VAT1L: variants seen among roughly 807,000 people sequenced by gnomAD.
The protein encoded by VAT1L is vesicle amine transport 1 like.
VAT1L carries 34 observed loss-of-function variants against 44.1 expected under a neutral mutation model. The ratio of observed to expected loss-of-function variants is 0.77; its 90% CI spans 0.59 to 1.03. VAT1L has a LOEUF of 1.03. Ranked by LOEUF, VAT1L falls within the 50% of genes least tolerant of loss-of-function variation. VAT1L has a pLI of 0.00. For synonymous variants in VAT1L, 253 were observed against 202.2 expected (o/e 1.25, Z -2.13); for missense variants, 615 against 538.8 (o/e 1.14, Z -1.40).
At chr16:77,897,971 C>T (rs986720371) in intron 7 of VAT1L, among the ~76,000 whole-genome samples, 2 of 152,190 alleles carry the variant, frequency 1.3e-5, no homozygotes, top group Non-Finnish European at 2.9e-5. Flanking sequence ...TGTGTTGTCT[C>T]AGCGTTCTGG....
At chr16:77,806,425 G>A (rs1009360577) in intron 1 of VAT1L, among the ~76,000 whole-genome samples, 2 of 151,192 alleles carry the variant, frequency 1.3e-5, no homozygotes, top group African/African-American at 4.9e-5. Flanking sequence ...TAGCCAGCAT[G>A]GTCTCGATTT....
chr16:77,876,549 GTGAATTGTGC>G, intron 5 of VAT1L, 76 bp downstream of exon 5: 2 of 1,342,722 alleles, frequency 1.5e-6, no homozygotes, highest in Non-Finnish European at 2.1e-6. Flanking sequence ...GCTCTGAAAA[GTGAATTGTGC>G]TGATATGTTG....
chr16:77,863,327 G>A (rs1300691402), intron 4 of VAT1L, among the ~76,000 whole-genome samples: 1 of 152,212 alleles, frequency 6.6e-6, no homozygotes, highest in Non-Finnish European at 1.5e-5. Flanking sequence ...CAGCACCAAA[G>A]GGTCATGAAT....
intron 7 of VAT1L, among the ~76,000 whole-genome samples, chr16:77,918,477 T>TTAGACTCCCG (rs2017573867): frequency 6.6e-6 from 1 of 152,126 alleles, no homozygotes; most frequent in South Asian, 2.1e-4. Flanking sequence ...CATCCTGCCG[T>TTAGACTCCCG]TAGACTCCTT....
chr16:77,973,601 G>GA (rs2142546936), intron 8 of VAT1L, among the ~76,000 whole-genome samples: 1 of 149,766 alleles, frequency 6.7e-6, no homozygotes, highest in African/African-American at 2.5e-5. Flanking sequence ...ATCTTTAACA[G>GA]AAAAAATATT....
chr16:77,972,064 C>A, intron 8 of VAT1L, 131 bp downstream of exon 8: 2 of 740,920 alleles, frequency 2.7e-6, no homozygotes, highest in Non-Finnish European at 2.2e-6. Context: ...CAGGGGTAAT[C>A]AAATGATGTC....
At chr16:77,975,958 GAACT>G (rs1432296030) in intron 8 of VAT1L, among the ~76,000 whole-genome samples, 1 of 152,206 alleles carries the variant, frequency 6.6e-6, no homozygotes, top group Non-Finnish European at 1.5e-5. Flanking sequence ...CTGTAGAACA[GAACT>G]AACAACAATA....
At chr16:77,903,858 T>C (rs1056666895) in intron 7 of VAT1L, among the ~76,000 whole-genome samples, 32 of 150,660 alleles carry the variant, frequency 2.1e-4, no homozygotes, top group African/African-American at 7.6e-4. Flanking sequence ...TGCCTCAGCC[T>C]CCCGAGTAGC....
At chr16:77,967,199 C>G (rs1458813062) in intron 7 of VAT1L, among the ~76,000 whole-genome samples, 1 of 152,128 alleles carries the variant, frequency 6.6e-6, no homozygotes, top group Non-Finnish European at 1.5e-5. Flanking sequence ...CCTCTCAGAT[C>G]CCCCATGGTT....
At chr16:77,943,147 C>G (rs947043258) in intron 7 of VAT1L, among the ~76,000 whole-genome samples, 17 of 151,534 alleles carry the variant, frequency 1.1e-4, no homozygotes, top group African/African-American at 4.1e-4. Context: ...ACCTCCACCT[C>G]CCGGGTTCAA....
intron 4 of VAT1L, among the ~76,000 whole-genome samples, chr16:77,866,516 C>G (rs902377876): frequency 7.9e-5 from 12 of 151,610 alleles, no homozygotes; most frequent in Non-Finnish European, 1.2e-4. Flanking sequence ...GGGAAAATAT[C>G]CAACTGCCAA....
At chr16:77,929,107 C>T (rs1377861476) in intron 7 of VAT1L, among the ~76,000 whole-genome samples, 1 of 152,172 alleles carries the variant, frequency 6.6e-6, no homozygotes. Flanking sequence ...AGCCACCGTG[C>T]CTAGCCGCTC....
intron 7 of VAT1L, among the ~76,000 whole-genome samples, chr16:77,888,101 C>T (rs1040204275): frequency 6.6e-6 from 1 of 152,204 alleles, no homozygotes; most frequent in Non-Finnish European, 1.5e-5. Flanking sequence ...TCCTTCAGGT[C>T]TCAGCCTCAG....
intron 7 of VAT1L, among the ~76,000 whole-genome samples, chr16:77,966,006 T>A (rs774143533): frequency 6.6e-6 from 1 of 152,144 alleles, no homozygotes; most frequent in Admixed American, 6.5e-5. Flanking sequence ...TTACTCTCAG[T>A]GTAAAATACA....
At chr16:77,962,423 G>C (rs1469296354) in intron 7 of VAT1L, among the ~76,000 whole-genome samples, 1 of 152,076 alleles carries the variant, frequency 6.6e-6, no homozygotes, top group African/African-American at 2.4e-5. Flanking sequence ...GACATAGGTA[G>C]GGATGCAAGC....
intron 7 of VAT1L, among the ~76,000 whole-genome samples, chr16:77,941,158 G>A (rs919884097): frequency 1.3e-5 from 2 of 151,856 alleles, no homozygotes; most frequent in Admixed American, 6.6e-5. Context: ...TATGTTTCTT[G>A]TACTAAGGTG....
intron 7 of VAT1L, among the ~76,000 whole-genome samples, chr16:77,936,531 A>T (rs997306672): frequency 6.6e-6 from 1 of 152,166 alleles, no homozygotes; most frequent in East Asian, 1.9e-4. Context: ...ATGGCCACGA[A>T]AATGTAGGCT....
intron 1 of VAT1L, among the ~76,000 whole-genome samples, chr16:77,805,193 A>G (rs539039045): frequency 6.6e-6 from 1 of 152,268 alleles, no homozygotes; most frequent in African/African-American, 2.4e-5. Context: ...CTCAAATAAG[A>G]GCTGCCATCT....
At chr16:77,822,111 T>C (rs1407387340) in intron 2 of VAT1L, among the ~76,000 whole-genome samples, 3 of 152,176 alleles carry the variant, frequency 2.0e-5, no homozygotes, top group South Asian at 2.1e-4. Context: ...TGCCACTTTT[T>C]ATTGTTAGCT....
Sources: gnomAD v4.1 joint callset for allele counts (sites outside exome capture counted in the v4.1 genomes callset) on GRCh38, gnomAD v4.1.1 for gene constraint, MANE v1.5 for transcripts, NCBI Gene and HGNC (gene_info 2026-07-23, HGNC 2026-07-21) for gene names.